Variants in PEX13 observed in about 807,000 individuals in gnomAD.
PEX13 encodes the protein peroxisome biogenesis factor 13.
Under a neutral mutation model 34.5 loss-of-function variants are expected in PEX13, and 28 were observed. That is an observed-to-expected ratio of 0.81 (90% confidence interval 0.60 to 1.11). The LOEUF (loss-of-function observed/expected upper bound fraction) is 1.11. PEX13 is among the 50% of genes most tolerant of loss of function. The probability of loss-of-function intolerance (pLI) is 0.00; values close to 1 mark genes in which losing one functional copy is unlikely to be tolerated. For synonymous variants in PEX13, 177 were observed against 175.1 expected (o/e 1.01, Z -0.09); for missense variants, 550 against 491.0 (o/e 1.12, Z -1.13).
intron 1 of PEX13, among the ~76,000 whole-genome samples, chr2:61,023,428 CAT>C (rs1210370830): frequency 1.3e-5 from 2 of 150,088 alleles, no homozygotes; most frequent in African/African-American, 5.0e-5. Context: ...CACACACACA[CAT>C]ATTTTTTTTT....
In PEX13 at chr2:61,048,511, T is replaced by C; in HGVS notation, c.953T>C (p.Leu318Pro). 1 of 1,614,098 alleles carries C rather than the reference T, an allele frequency of 6.2e-7. No individual in the cohort carries two copies. Among genetic ancestry groups the C allele is most frequent in the Non-Finnish European group, 8.5e-7 (1 of 1,179,984 alleles). ...PKVRGWLLAS[L>P]DGQTTGLIPA... ...GTGCGTGGTTGGCTTCTGGCTAGCC[T>C]TGATGGCCAAACAACAGGACTTATA... The change falls in exon 4 of 4, where the codon CTT becomes CCT. Residue 318 changes from leucine to proline, a missense_variant. Leu to Pro is a moderately conservative substitution (Grantham distance 98). Transcript: ENST00000295030.
rs1348983637 is a variant in PEX13 at position 61,041,500 on chromosome 2, A to G, written c.788-4226A>G. On this transcript the variant is annotated intron_variant, in intron 2 of 3. Coordinates refer to ENST00000295030, the MANE Select transcript of PEX13 (RefSeq NM_002618.4). The stretch of plus-strand genomic sequence containing the variant: ...ATGATGAATGATGTAAGGTTCTACA[A>G]TAAGATCAAGAACTGAGAAAAGATT... Among the ~76,000 whole-genome samples the G allele has an allele frequency of 7.2e-5, 11 of 152,226 alleles. 1 individual carries two copies. Among genetic ancestry groups the G allele is most frequent in the South Asian group, 4.1e-4 (2 of 4,828 alleles).
At chr2:61,018,625 A>G (rs191231256) in intron 1 of PEX13, 1 of 176,232 alleles carries the variant, frequency 5.7e-6, no homozygotes, top group African/African-American at 2.4e-5. Context: ...CAAATGTCAA[A>G]TCACCTACTA....
intron 1 of PEX13, among the ~76,000 whole-genome samples, chr2:61,028,354 G>A (rs1042107742): frequency 6.6e-6 from 1 of 151,740 alleles, no homozygotes; most frequent in Non-Finnish European, 1.5e-5. Flanking sequence ...AACACTTGGG[G>A]GAAACACAAA....
chr2:61,025,469 G>A (rs888143148), intron 1 of PEX13, among the ~76,000 whole-genome samples: 1 of 151,852 alleles, frequency 6.6e-6, no homozygotes, highest in Non-Finnish European at 1.5e-5. Context: ...AGTGATTCTT[G>A]TGCTTCAGCC....
intron 1 of PEX13, among the ~76,000 whole-genome samples, chr2:61,021,100 T>C (rs552848859): frequency 9.2e-5 from 14 of 152,318 alleles, no homozygotes; most frequent in Admixed American, 6.5e-4. Flanking sequence ...CCCAGCGTGA[T>C]TGACGCACAG....
intron 2 of PEX13, among the ~76,000 whole-genome samples, chr2:61,040,824 T>A (rs1434627663): frequency 6.8e-6 from 1 of 147,918 alleles, no homozygotes; most frequent in Non-Finnish European, 1.5e-5. Context: ...ATATATATAA[T>A]ATATGTGTAT....
At chr2:61,017,983 G>A (rs1285512225) in intron 1 of PEX13, 132 bp downstream of exon 1, 3 of 1,313,366 alleles carry the variant, frequency 2.3e-6, no homozygotes, top group Non-Finnish European at 3.1e-6. Context: ...GGGGATAGGG[G>A]CCGAGGTGGA....
Position 61,051,653 on chromosome 2 carries a change from G to C in PEX13, c.*2883G>C, listed in dbSNP as rs1433079929. On this transcript the variant is annotated 3_prime_UTR_variant, in exon 4 of 4. Transcript: ENST00000295030. ...TTATTTTTAGGAACTTATTTAAGGA[G>C]TGCTACTTTACAGAAATTACTAACA... 3.3e-5 allele frequency: 5 copies of C among 152,104 alleles called. No individual in the cohort carries two copies. Among genetic ancestry groups the C allele is most frequent in the African/African-American group, 1.2e-4 (5 of 41,396 alleles). The allele number at this position is 152,104 out of a possible 1,614,324, so 9.4% of individuals were successfully genotyped here.
At chr2:61,035,043 G>A (rs192135581) in intron 2 of PEX13, among the ~76,000 whole-genome samples, 105 of 152,348 alleles carry the variant, frequency 6.9e-4, no homozygotes, top group African/African-American at 2.2e-3. Flanking sequence ...TGTGTAGCCT[G>A]ACTGGGAGAC....
chr2:61,029,140 A>AC (rs35012687), intron 1 of PEX13, among the ~76,000 whole-genome samples: 1 of 412 alleles, frequency 2.4e-3, no homozygotes, highest in South Asian at 0.12. Context: ...CCCTGTCTCC[A>AC]AAAAAAAAAA....
At chr2:61,018,451 T>A in intron 1 of PEX13, 1 of 869,494 alleles carries the variant, frequency 1.2e-6, no homozygotes, top group Non-Finnish European at 1.6e-6. Flanking sequence ...CAAAATAGTG[T>A]ATTTTTCTGA....
intron 1 of PEX13, among the ~76,000 whole-genome samples, chr2:61,028,203 C>T (rs767738693): frequency 2.6e-5 from 4 of 152,114 alleles, no homozygotes; most frequent in Admixed American, 6.5e-5. Flanking sequence ...TTCACAAATG[C>T]GCCTCCTAAA....
intron 2 of PEX13, among the ~76,000 whole-genome samples, chr2:61,042,528 A>G (rs1469784226): frequency 7.9e-5 from 12 of 152,312 alleles, no homozygotes; most frequent in South Asian, 4.1e-4. Flanking sequence ...TTATTATACA[A>G]TGACACTATA....
At chr2:61,025,723 C>T (rs1313757662) in intron 1 of PEX13, among the ~76,000 whole-genome samples, 3 of 152,088 alleles carry the variant, frequency 2.0e-5, no homozygotes, top group Non-Finnish European at 4.4e-5. Context: ...GATTTGAGGC[C>T]TAAGGATATC....
At position 61,031,482 on chromosome 2, in the gene PEX13, C is replaced by G; in HGVS notation, c.156C>G (p.Pro52=). ...GACAACCAGCACTTACCAGAGTGCC[C>G]CCACCTATTCTTCCAAGGCCATCAC... The part of the protein sequence containing the change: ...RPGQPALTRV[P]PPILPRPSQQ... Residue 52 remains proline (P), a synonymous_variant, in exon 2 of 4, where the codon CCC becomes CCG. Transcript: ENST00000295030. The G allele has an allele frequency of 1.2e-6, 2 of 1,614,142 alleles. No homozygotes were observed. The highest frequency in any genetic ancestry group is 1.7e-6 in the Non-Finnish European group (2 of 1,180,004).
At chr2:61,047,047 C>T (rs1297243773) in intron 3 of PEX13, among the ~76,000 whole-genome samples, 4 of 152,024 alleles carry the variant, frequency 2.6e-5, no homozygotes, top group Non-Finnish European at 5.9e-5. Context: ...TGTAATCACA[C>T]CTGTGGAACA....
intron 1 of PEX13, among the ~76,000 whole-genome samples, chr2:61,021,759 C>T (rs1188465494): frequency 6.6e-6 from 1 of 152,210 alleles, no homozygotes; most frequent in East Asian, 1.9e-4. Flanking sequence ...TGGGAAACAC[C>T]TCCCAGTAGG....
chr2:61,036,645 C>G (rs1267257548), intron 2 of PEX13, among the ~76,000 whole-genome samples: 1 of 152,200 alleles, frequency 6.6e-6, no homozygotes, highest in African/African-American at 2.4e-5. Context: ...TGGAAAGGAA[C>G]AACTGGTACC....
Sources: gnomAD v4.1 joint callset for allele counts (sites outside exome capture counted in the v4.1 genomes callset) on GRCh38, gnomAD v4.1.1 for gene constraint, MANE v1.5 for transcripts, NCBI Gene and HGNC (gene_info 2026-07-23, HGNC 2026-07-21) for gene names.